The following LRRC4C variants were observed in gnomAD, a reference collection of about 807,000 sequenced individuals.
LRRC4C encodes the protein leucine rich repeat containing 4C.
A neutral mutation model predicts 33.6 loss-of-function variants in LRRC4C; 5 were observed. The ratio of observed to expected loss-of-function variants is 0.15; its 90% CI spans 0.08 to 0.31. LRRC4C has a LOEUF of 0.31. Among genes scored for constraint, LRRC4C ranks in the 10% least tolerant of loss-of-function variants. LRRC4C has a pLI of 1.00. For synonymous variants in LRRC4C, 329 were observed against 302.0 expected, an observed-to-expected ratio of 1.09 and a Z score of -0.93; for missense variants, 560 against 796.7, an observed-to-expected ratio of 0.70 and a Z score of 3.58.
rs575092236 is a variant in LRRC4C at position 41,400,110 on chromosome 11, A to G, written c.-496+59321T>C. On this transcript the variant is annotated intron_variant, in intron 1 of 6. Transcript: ENST00000528697. ...GATTAAGAGATGAGGCTCTCAGGAA[A>G]CATCTAATCTAAGTCAGACCCTAGT... Among the ~76,000 whole-genome samples, 5 of 152,072 alleles carry G rather than the reference A, an allele frequency of 3.3e-5. No homozygotes were observed. The East Asian group carries it at 9.7e-4, about 30-fold the overall frequency.
chr11:40,940,794 G>A (rs531403933), intron 1 of LRRC4C, among the ~76,000 whole-genome samples: 127 of 152,072 alleles, frequency 8.4e-4, no homozygotes, highest in African/African-American at 2.9e-3. Context: ...CAAAAATCAG[G>A]TAAATCTGGG....
rs113144306 is a variant in LRRC4C at position 40,130,017 on chromosome 11, C to A, written c.-43+10784G>T. Among the ~76,000 whole-genome samples the A allele has an allele frequency of 8.4e-3, 1,278 of 152,096 alleles. 19 individuals are homozygous for A. The highest frequency in any genetic ancestry group is 0.029 in the African/African-American group (1,219 of 41,480). ...GTTTCTGGCTGTTTATGAATCCTTT[C>A]GATCTTATTCACTTTTTGATATTAA... On this transcript the variant is annotated intron_variant, in intron 6 of 6. Transcript: ENST00000528697.
At chr11:40,226,807 A>G (rs1208268522) in intron 5 of LRRC4C, among the ~76,000 whole-genome samples, 1 of 152,196 alleles carries the variant, frequency 6.6e-6, no homozygotes, top group Non-Finnish European at 1.5e-5. Context: ...TATATCGCAT[A>G]TATACATATG....
chr11:40,978,551 T>C (rs1852258694), intron 1 of LRRC4C, among the ~76,000 whole-genome samples: 1 of 151,842 alleles, frequency 6.6e-6, no homozygotes, highest in Non-Finnish European at 1.5e-5. Context: ...AGATTATCTG[T>C]CCCAAACATC....
chr11:41,116,973 C>T (rs12576497), intron 1 of LRRC4C, among the ~76,000 whole-genome samples: 32,426 of 152,070 alleles, frequency 0.21, 3,651 homozygotes, highest in South Asian at 0.3. Flanking sequence ...AGAAATGAAA[C>T]GTACTTCCAC....
At chr11:40,686,485 C>T (rs1371641399) in intron 2 of LRRC4C, among the ~76,000 whole-genome samples, 3 of 151,956 alleles carry the variant, frequency 2.0e-5, no homozygotes, top group African/African-American at 7.2e-5. Context: ...TACTCACTAA[C>T]TTCACCGGGG....
intron 1 of LRRC4C, among the ~76,000 whole-genome samples, chr11:41,343,162 A>G (rs1279671198): frequency 6.6e-6 from 1 of 152,210 alleles, no homozygotes; most frequent in African/African-American, 2.4e-5. Flanking sequence ...AGATGGTCAC[A>G]TTCATAGATC....
intron 2 of LRRC4C, among the ~76,000 whole-genome samples, chr11:40,759,763 T>C (rs142245364): frequency 2.6e-4 from 39 of 152,132 alleles, no homozygotes; most frequent in African/African-American, 8.4e-4. Context: ...CATGTTGATA[T>C]AATCTTTATA....
chr11:40,365,803 A>G (rs1369504869), intron 3 of LRRC4C, among the ~76,000 whole-genome samples: 1 of 152,014 alleles, frequency 6.6e-6, no homozygotes, highest in African/African-American at 2.4e-5. Context: ...AAAGTCCCCA[A>G]GTGGGTTGTA....
At chr11:41,311,353 A>C (rs1950638387) in intron 1 of LRRC4C, among the ~76,000 whole-genome samples, 1 of 152,202 alleles carries the variant, frequency 6.6e-6, no homozygotes, top group Non-Finnish European at 1.5e-5. Flanking sequence ...CCAAAACAAA[A>C]AACACCATTT....
At chr11:40,862,309 A>C (rs1035357706) in intron 2 of LRRC4C, among the ~76,000 whole-genome samples, 1 of 152,138 alleles carries the variant, frequency 6.6e-6, no homozygotes, top group African/African-American at 2.4e-5. Flanking sequence ...AGGGAAGCAA[A>C]GTGGTGAACC....
At chr11:40,404,492 G>A (rs998528132) in intron 3 of LRRC4C, among the ~76,000 whole-genome samples, 3 of 152,020 alleles carry the variant, frequency 2.0e-5, no homozygotes, top group East Asian at 1.9e-4. Context: ...TATGCTTCTC[G>A]TCCTGCAATT....
chr11:41,258,081 T>C (rs1948860557), intron 1 of LRRC4C, among the ~76,000 whole-genome samples: 5 of 151,910 alleles, frequency 3.3e-5, no homozygotes. Context: ...AATGAGTCAG[T>C]ATACAAAAAA....
At chr11:40,616,408 G>T (rs1333758462) in intron 3 of LRRC4C, among the ~76,000 whole-genome samples, 1 of 151,932 alleles carries the variant, frequency 6.6e-6, no homozygotes, top group Non-Finnish European at 1.5e-5. Context: ...GCCTATTACT[G>T]GTTATATACC....
intron 1 of LRRC4C, among the ~76,000 whole-genome samples, chr11:41,070,212 C>T (rs910574017): frequency 3.3e-5 from 5 of 152,094 alleles, no homozygotes; most frequent in African/African-American, 1.2e-4. Context: ...ACCGGCTAGC[C>T]ATATGCAGAA....
rs1246939351 is a variant in LRRC4C at position 40,665,326 on chromosome 11, ATATAT to A, written c.-406-17053_-406-17049del. Among the ~76,000 whole-genome samples the A allele has an allele frequency of 7.0e-3, 41 of 5,876 alleles. 1 individual carries two copies. Among genetic ancestry groups the A allele is most frequent in the African/African-American group, 0.012 (29 of 2,368 alleles). The allele number at this position is 5,876 out of a possible 152,430, so 3.9% of individuals were successfully genotyped here. A position where few individuals can be genotyped will look rare whatever the true frequency, so the allele number is the denominator to read the frequency against. The stretch of plus-strand genomic sequence containing the variant: ...GCTTTCTTAAAAAAAAAAAAAAAAA[ATATAT>A]ATATATATATATATATATATATATA... On this transcript the variant is annotated intron_variant, in intron 2 of 6. Coordinates refer to ENST00000528697, the MANE Select transcript of LRRC4C (RefSeq NM_001258419.2).
chr11:41,068,131 G>T (rs1316749302), intron 1 of LRRC4C, among the ~76,000 whole-genome samples: 3 of 152,112 alleles, frequency 2.0e-5, no homozygotes, highest in Non-Finnish European at 2.9e-5. Context: ...GGTGGCTCAC[G>T]CCTGTAGTCC....
chr11:40,662,172 T>C (rs1440945230), intron 2 of LRRC4C, among the ~76,000 whole-genome samples: 1 of 152,190 alleles, frequency 6.6e-6, no homozygotes, highest in African/African-American at 2.4e-5. Context: ...AAGGTCAAGC[T>C]CAAAATTAGA....
chr11:40,745,729 A>C (rs1171056523), intron 2 of LRRC4C, among the ~76,000 whole-genome samples: 1 of 152,206 alleles, frequency 6.6e-6, no homozygotes, highest in Non-Finnish European at 1.5e-5. Context: ...AATTTGGCTA[A>C]TATTAACCAC....
Sources: gnomAD v4.1 joint callset for allele counts (sites outside exome capture counted in the v4.1 genomes callset) on GRCh38, gnomAD v4.1.1 for gene constraint, MANE v1.5 for transcripts, NCBI Gene and HGNC (gene_info 2026-07-23, HGNC 2026-07-21) for gene names.